Variants in SBF2 observed in about 807,000 individuals in gnomAD.
SBF2 encodes the protein SET binding factor 2.
In SBF2, 112 loss-of-function variants were observed where a neutral mutation model predicts 225.2. That is an observed-to-expected ratio of 0.50 (90% CI 0.43 to 0.58). SBF2 has a LOEUF of 0.58. SBF2 is among the 20% of genes least tolerant of loss of function. The probability of loss-of-function intolerance (pLI) is 0.00; values close to 1 mark genes in which losing one functional copy is unlikely to be tolerated. For missense variants in SBF2, 1,996 were observed against 2,206.2 expected (o/e 0.90, Z 1.91); for synonymous variants, 763 against 773.3 (o/e 0.99, Z 0.22).
chr11:10,036,752 G>A (rs926146642), intron 3 of SBF2, among the ~76,000 whole-genome samples: 1 of 152,082 alleles, frequency 6.6e-6, no homozygotes, highest in Non-Finnish European at 1.5e-5. Context: ...ACCTTTATAA[G>A]AAATAACATA....
intron 16 of SBF2, among the ~76,000 whole-genome samples, chr11:9,914,378 C>G (rs888828094): frequency 1.6e-4 from 24 of 152,152 alleles, no homozygotes; most frequent in African/African-American, 5.3e-4. Flanking sequence ...AGCCAAGAAA[C>G]AGATCTGCAT....
intron 1 of SBF2, among the ~76,000 whole-genome samples, chr11:10,215,899 G>A (rs1193765962): frequency 6.6e-6 from 1 of 152,184 alleles, no homozygotes; most frequent in Non-Finnish European, 1.5e-5. Context: ...GTCTTTAAGA[G>A]TGCTCTAGTT....
At chr11:10,155,177 T>C (rs1006315654) in intron 2 of SBF2, among the ~76,000 whole-genome samples, 1 of 152,212 alleles carries the variant, frequency 6.6e-6, no homozygotes, top group Non-Finnish European at 1.5e-5. Flanking sequence ...CTGCATATAG[T>C]TGTAATTCAG....
intron 1 of SBF2, among the ~76,000 whole-genome samples, chr11:10,207,233 T>C (rs1957781304): frequency 6.6e-6 from 1 of 152,068 alleles, no homozygotes; most frequent in African/African-American, 2.4e-5. Flanking sequence ...ATGAATTCTA[T>C]TTCCCACGAA....
At chr11:9,789,394 G>T in intron 34 of SBF2, 52 bp from the exon 35 acceptor site, 1 of 1,396,114 alleles carries the variant, frequency 7.2e-7, no homozygotes, top group South Asian at 1.2e-5. Context: ...AGTACCCCAA[G>T]CTCACTGTCA....
intron 13 of SBF2, among the ~76,000 whole-genome samples, chr11:9,987,458 G>A (rs1014928670): frequency 5.3e-5 from 8 of 152,036 alleles, no homozygotes; most frequent in African/African-American, 1.9e-4. Context: ...CATCTAAATC[G>A]GTAAAGAGGA....
intron 23 of SBF2, among the ~76,000 whole-genome samples, chr11:9,846,184 G>C (rs1440559453): frequency 6.6e-6 from 1 of 152,178 alleles, no homozygotes; most frequent in Non-Finnish European, 1.5e-5. Context: ...TGGTAGTCGG[G>C]ACAGTGAGGA....
At chr11:10,213,754 G>T (rs539818964) in intron 1 of SBF2, among the ~76,000 whole-genome samples, 2 of 152,288 alleles carry the variant, frequency 1.3e-5, no homozygotes, top group East Asian at 3.9e-4. Flanking sequence ...GGTTACTTCT[G>T]CTGGCAAGGG....
chr11:9,982,842 G>A (rs531243754), intron 13 of SBF2, among the ~76,000 whole-genome samples: 1 of 152,326 alleles, frequency 6.6e-6, no homozygotes, highest in South Asian at 2.1e-4. Flanking sequence ...TGTGGGAGAA[G>A]TTTCCGACTT....
chr11:9,865,108 G>T (rs1194223695), intron 17 of SBF2, among the ~76,000 whole-genome samples: 1 of 152,028 alleles, frequency 6.6e-6, no homozygotes, highest in Non-Finnish European at 1.5e-5. Context: ...AGAGATAGGG[G>T]TCTCACTATG....
chr11:10,185,195 C>T (rs1461913296), intron 2 of SBF2, among the ~76,000 whole-genome samples: 1 of 152,170 alleles, frequency 6.6e-6, no homozygotes, highest in Non-Finnish European at 1.5e-5. Flanking sequence ...TTGCTTCCAC[C>T]ATTTGACTAC....
chr11:9,962,495 C>G (rs946620896), intron 15 of SBF2, among the ~76,000 whole-genome samples: 3 of 152,012 alleles, frequency 2.0e-5, no homozygotes, highest in African/African-American at 7.2e-5. Context: ...AAAATTAAAA[C>G]AATAAGAAAT....
chr11:10,244,224 T>C (rs1388640724), intron 1 of SBF2, among the ~76,000 whole-genome samples: 11 of 152,136 alleles, frequency 7.2e-5, no homozygotes, highest in Admixed American at 7.2e-4. Context: ...AAACAGCTTC[T>C]TCCTTATATT....
chr11:9,855,219 T>C (rs360165), intron 19 of SBF2, among the ~76,000 whole-genome samples: 127,875 of 152,174 alleles, frequency 0.84, 54,021 homozygotes, highest in Non-Finnish European at 0.88. Flanking sequence ...AAACTCTATA[T>C]GGGTGGGGGT....
At chr11:10,210,259 G>C (rs1179069932) in intron 1 of SBF2, among the ~76,000 whole-genome samples, 1 of 152,008 alleles carries the variant, frequency 6.6e-6, no homozygotes, top group Non-Finnish European at 1.5e-5. Context: ...AGTGAGCCAA[G>C]ATTGCTCCAC....
rs190758671 is a variant in SBF2 at position 9,826,303 on chromosome 11, G to A, written c.3793+3053C>T. ...TTTAGGCTGTGAGAACACCTAGAGT[G>A]CTGGGTTCAATTCTGTGGAGTGTTC... is the stretch of plus-strand genomic sequence containing the variant. On this transcript the variant is annotated intron_variant, in intron 28 of 39. Transcript: ENST00000256190. 4.5e-4 allele frequency among the ~76,000 whole-genome samples: 68 copies of A among 152,322 alleles called. 2 individuals carry two copies. In the Middle Eastern group the frequency reaches 0.017, roughly 38 times the overall value.
chr11:10,151,229 G>A (rs929727016), intron 2 of SBF2, among the ~76,000 whole-genome samples: 1 of 152,126 alleles, frequency 6.6e-6, no homozygotes, highest in Non-Finnish European at 1.5e-5. Context: ...TTCTAAAGAG[G>A]TTCTATAATG....
At chr11:9,972,497 T>C (rs891341302) in intron 13 of SBF2, among the ~76,000 whole-genome samples, 41 of 152,194 alleles carry the variant, frequency 2.7e-4, no homozygotes, top group Non-Finnish European at 2.4e-4. Context: ...TTGTTTGTTT[T>C]TGAGACAGAG....
intron 2 of SBF2, among the ~76,000 whole-genome samples, chr11:10,105,467 T>C (rs76993580): frequency 0.012 from 1,752 of 152,302 alleles, 13 homozygotes; most frequent in Non-Finnish European, 0.018. Flanking sequence ...ACCACTATAA[T>C]CTTACTAAAT....
Sources: allele counts gnomAD v4.1 joint callset (sites outside exome capture counted in the v4.1 genomes callset), GRCh38; gene constraint gnomAD v4.1.1; transcripts MANE v1.5; gene names NCBI Gene and HGNC (gene_info 2026-07-23, HGNC 2026-07-21).